GGNBP2: variants seen among roughly 807,000 people sequenced by gnomAD.
GGNBP2 encodes gametogenetin binding protein 2, also known as gametogenetin-binding protein 2.
Under a neutral mutation model 85.9 loss-of-function variants are expected in GGNBP2, and 10 were observed. That is an observed-to-expected ratio of 0.12 (90% CI 0.07 to 0.20). GGNBP2 has a LOEUF of 0.20. Among genes scored for constraint, GGNBP2 ranks in the 10% least tolerant of loss-of-function variants. The pLI is 1.00. For missense variants in GGNBP2, 595 were observed against 857.8 expected (o/e 0.69, Z 3.83); for synonymous variants, 287 against 285.7 (o/e 1.00, Z -0.05).
chr17:36,548,068 G>T (rs997406537), intron 2 of GGNBP2, among the ~76,000 whole-genome samples: 1 of 152,234 alleles, frequency 6.6e-6, no homozygotes, highest in Non-Finnish European at 1.5e-5. Flanking sequence ...GGCAGTGGAT[G>T]CCTGAAGTTA....
chr17:36,570,069 ATT>A (rs1299715268), intron 6 of GGNBP2, among the ~76,000 whole-genome samples: 1 of 152,166 alleles, frequency 6.6e-6, no homozygotes, highest in Non-Finnish European at 1.5e-5. Context: ...CTGTGCCTCA[ATT>A]TTTGTCTTCT....
intron 8 of GGNBP2, among the ~76,000 whole-genome samples, chr17:36,580,365 G>A (rs55649451): frequency 4.0e-4 from 60 of 151,308 alleles, no homozygotes; most frequent in African/African-American, 1.1e-3. Context: ...CCGCCACCAC[G>A]CTCGGCTAAT....
At chr17:36,562,953 C>CAAAAAA (rs34799358) in intron 5 of GGNBP2, among the ~76,000 whole-genome samples, 1 of 40,516 alleles carries the variant, frequency 2.5e-5, no homozygotes, top group Non-Finnish European at 4.0e-5. Flanking sequence ...GACTCTGTCT[C>CAAAAAA]AAAAAAAAAA....
At position 36,545,793 on chromosome 17, in the gene GGNBP2, C is replaced by T. The variant is rs143769514; in HGVS notation, c.69C>T (p.Pro23=). ...TCCCCTTCGAGAGGAGGCAGATTCC[C>T]CTCTACATAGACGACACCCTGACGG... ...EEFPFERRQI[P]LYIDDTLTMV... is the part of the protein sequence containing the mutation. The change falls in exon 2 of 14, where the codon CCC becomes CCT. Residue 23 remains proline, a synonymous_variant. Coordinates refer to ENST00000613102, the MANE Select transcript of GGNBP2 (RefSeq NM_024835.5). 3.8e-6 allele frequency: 6 copies of T among 1,572,810 alleles called. No individual in the cohort carries two copies. Among genetic ancestry groups the T allele is most frequent in the South Asian group, 3.5e-5 (3 of 85,772 alleles).
intron 5 of GGNBP2, among the ~76,000 whole-genome samples, chr17:36,565,571 C>T (rs554147636): frequency 1.3e-5 from 2 of 151,730 alleles, no homozygotes; most frequent in African/African-American, 4.8e-5. Context: ...TTTTTCAGTT[C>T]TGGGAAATTA....
At chr17:36,578,495 C>T (rs528547889) in intron 7 of GGNBP2, 38 of 308,620 alleles carry the variant, frequency 1.2e-4, no homozygotes, top group African/African-American at 6.0e-4. Flanking sequence ...TTTTCTCCCT[C>T]TATCCATGCA....
At chr17:36,587,408 C>G (rs1315204276) in intron 13 of GGNBP2, 163 bp downstream of exon 13, 7 of 772,894 alleles carry the variant, frequency 9.1e-6, no homozygotes, top group African/African-American at 1.7e-5. Context: ...TGTCCTTCCA[C>G]TCGTGGTTTA....
intron 2 of GGNBP2, chr17:36,546,079 C>G (rs769058039): frequency 1.8e-5 from 8 of 448,142 alleles, no homozygotes; most frequent in African/African-American, 4.0e-5. Context: ...GACCCTTTCC[C>G]TTTAGGAGAC....
At chr17:36,576,444 C>G (rs1432652938) in intron 6 of GGNBP2, among the ~76,000 whole-genome samples, 1 of 100,146 alleles carries the variant, frequency 1.0e-5, no homozygotes, top group African/African-American at 4.2e-5. Context: ...ATCCCAGCGA[C>G]TCGGGAGACT....
chr17:36,588,856 C>G (rs542399232), intron 13 of GGNBP2, among the ~76,000 whole-genome samples: 1 of 152,282 alleles, frequency 6.6e-6, no homozygotes, highest in East Asian at 1.9e-4. Context: ...ATGACTGTTT[C>G]AAGATAGGAC....
chr17:36,545,571 T>C, intron 1 of GGNBP2, 48 bp from the exon 2 acceptor site: 1 of 621,222 alleles, frequency 1.6e-6, no homozygotes, highest in Non-Finnish European at 2.9e-6. Flanking sequence ...GTGGCGAATG[T>C]GCTGCGCAGC....
intron 2 of GGNBP2, among the ~76,000 whole-genome samples, chr17:36,551,317 C>G (rs1026577141): frequency 3.3e-5 from 5 of 151,884 alleles, no homozygotes; most frequent in African/African-American, 1.2e-4. Context: ...AGTGATTCTC[C>G]TGTCTCAGCC....
chr17:36,574,165 A>G (rs2074553641), intron 6 of GGNBP2, among the ~76,000 whole-genome samples: 1 of 152,240 alleles, frequency 6.6e-6, no homozygotes, highest in Admixed American at 6.5e-5. Flanking sequence ...GATAGACCAC[A>G]TATATGACAG....
At chr17:36,551,141 C>T (rs2074304235) in intron 2 of GGNBP2, among the ~76,000 whole-genome samples, 1 of 151,242 alleles carries the variant, frequency 6.6e-6, no homozygotes, top group South Asian at 2.1e-4. Flanking sequence ...ATTTTTGCTA[C>T]TAATTAGGTG....
intron 2 of GGNBP2, among the ~76,000 whole-genome samples, chr17:36,549,135 T>G (rs1263458427): frequency 1.3e-5 from 2 of 152,248 alleles, no homozygotes; most frequent in African/African-American, 4.8e-5. Context: ...TAAAATGTTG[T>G]TCAGTGTTAC....
At chr17:36,567,615 T>TAAGGG (rs2074481073) in intron 5 of GGNBP2, 48 bp from the exon 6 acceptor site, 1 of 995,710 alleles carries the variant, frequency 1.0e-6, no homozygotes, top group Admixed American at 2.0e-5. Flanking sequence ...TTTTAAGGTT[T>TAAGGG]TACCCTTCTG....
At chr17:36,565,597 A>G (rs1346677997) in intron 5 of GGNBP2, among the ~76,000 whole-genome samples, 2 of 152,134 alleles carry the variant, frequency 1.3e-5, no homozygotes, top group African/African-American at 4.8e-5. Context: ...TATACTGATC[A>G]AGTATAGTTA....
intron 2 of GGNBP2, 57 bp downstream of exon 2, chr17:36,545,874 TC>T: frequency 2.5e-6 from 3 of 1,221,140 alleles, no homozygotes; most frequent in Non-Finnish European, 3.5e-6. Context: ...TTTCCCCTCC[TC>T]CCCCTCCCCC....
chr17:36,563,171 C>T (rs1567823097), intron 5 of GGNBP2, among the ~76,000 whole-genome samples: 1 of 151,918 alleles, frequency 6.6e-6, no homozygotes, highest in Non-Finnish European at 1.5e-5. Flanking sequence ...GAGGCTGAGG[C>T]AGGAGAATCG....
Sources: gnomAD v4.1 joint callset for allele counts (sites outside exome capture counted in the v4.1 genomes callset) on GRCh38, gnomAD v4.1.1 for gene constraint, MANE v1.5 for transcripts, NCBI Gene and HGNC (gene_info 2026-07-23, HGNC 2026-07-21) for gene names.